ST6GALNAC3: variants seen among roughly 807,000 people sequenced by gnomAD.
ST6GALNAC3 encodes the protein alpha-N-acetylgalactosaminide alpha-2,6-sialyltransferase 3.
In ST6GALNAC3, 25 loss-of-function variants were observed where a neutral mutation model predicts 32.7. The ratio of observed to expected loss-of-function variants is 0.76; its 90% CI spans 0.56 to 1.07. ST6GALNAC3 has a LOEUF of 1.07. Among genes scored for constraint, ST6GALNAC3 ranks in the 50% least tolerant of loss-of-function variants. ST6GALNAC3 has a pLI of 0.00. For synonymous variants in ST6GALNAC3, 129 were observed against 133.1 expected, an observed-to-expected ratio of 0.97 and a Z score of 0.21; for missense variants, 355 against 382.4, an observed-to-expected ratio of 0.93 and a Z score of 0.60.
At chr1:76,587,634 C>A (rs1646982490) in intron 3 of ST6GALNAC3, among the ~76,000 whole-genome samples, 1 of 152,154 alleles carries the variant, frequency 6.6e-6, no homozygotes, top group Admixed American at 6.5e-5. Flanking sequence ...TCATCTGTAA[C>A]CTGATGTTGG....
chr1:76,491,974 C>T (rs1379484180), intron 3 of ST6GALNAC3, among the ~76,000 whole-genome samples: 1 of 152,164 alleles, frequency 6.6e-6, no homozygotes, highest in African/African-American at 2.4e-5. Context: ...GCTGAGTGTT[C>T]AGCCAAAATT....
In ST6GALNAC3 at chr1:76,550,379, G is replaced by A. The variant is rs139549787; in HGVS notation, c.624-77073G>A. Among the ~76,000 whole-genome samples the A allele has an allele frequency of 8.3e-3, 1,267 of 152,198 alleles. 35 individuals carry two copies. Among genetic ancestry groups the A allele is most frequent in the Admixed American group, 0.052 (788 of 15,284 alleles). On this transcript the variant is annotated intron_variant, in intron 3 of 4. Transcript: ENST00000328299. ...ATTTTATTTTATTTTTTGCTGCATA[G>A]GTAACTAGTCATCTCAGCAGCATTA...
intron 1 of ST6GALNAC3, among the ~76,000 whole-genome samples, chr1:76,293,014 C>A (rs1163728973): frequency 1.3e-5 from 2 of 152,128 alleles, no homozygotes; most frequent in East Asian, 3.9e-4. Flanking sequence ...AGATTAATCC[C>A]TAGTTCCCTA....
intron 3 of ST6GALNAC3, among the ~76,000 whole-genome samples, chr1:76,480,348 T>A (rs1442522386): frequency 6.6e-6 from 1 of 152,192 alleles, no homozygotes; most frequent in African/African-American, 2.4e-5. Flanking sequence ...CTATTTCCTA[T>A]AACTAGATCT....
chr1:76,142,762 G>A (rs1450311910), intron 1 of ST6GALNAC3: 1 of 430,696 alleles, frequency 2.3e-6, no homozygotes, highest in Admixed American at 2.7e-5. Context: ...GTGGTTATCT[G>A]GAGAATGCAA....
At chr1:76,397,553 T>TA (rs397955504) in intron 2 of ST6GALNAC3, among the ~76,000 whole-genome samples, 1 of 151,294 alleles carries the variant, frequency 6.6e-6, no homozygotes, top group African/African-American at 2.4e-5. Flanking sequence ...CATTTTTTTT[T>TA]AGCAGAGATG....
intron 3 of ST6GALNAC3, among the ~76,000 whole-genome samples, chr1:76,461,476 A>G (rs1265907063): frequency 6.6e-6 from 1 of 152,192 alleles, no homozygotes; most frequent in Non-Finnish European, 1.5e-5. Context: ...AAACTTCAGA[A>G]GAAGACACTC....
intron 2 of ST6GALNAC3, among the ~76,000 whole-genome samples, chr1:76,395,599 G>GCA (rs374335295): frequency 2.0e-5 from 3 of 150,356 alleles, no homozygotes; most frequent in South Asian, 4.2e-4. Flanking sequence ...AGACACACAC[G>GCA]CACACACACA....
chr1:76,364,667 A>C (rs1303478056), intron 2 of ST6GALNAC3, among the ~76,000 whole-genome samples: 1 of 152,142 alleles, frequency 6.6e-6, no homozygotes, highest in Non-Finnish European at 1.5e-5. Flanking sequence ...AAAAGCAGGC[A>C]AAAGACATGA....
chr1:76,267,857 G>A (rs1365247755), intron 1 of ST6GALNAC3, among the ~76,000 whole-genome samples: 2 of 152,206 alleles, frequency 1.3e-5, no homozygotes, highest in East Asian at 3.9e-4. Flanking sequence ...TGACTGCTTT[G>A]ATATGAGGAT....
At chr1:76,488,629 T>C (rs1331506389) in intron 3 of ST6GALNAC3, among the ~76,000 whole-genome samples, 1 of 152,150 alleles carries the variant, frequency 6.6e-6, no homozygotes, top group East Asian at 1.9e-4. Flanking sequence ...TTCAAGACAT[T>C]GTAAAATAAT....
chr1:76,111,807 G>A (rs1401244307), intron 1 of ST6GALNAC3, among the ~76,000 whole-genome samples: 1 of 151,426 alleles, frequency 6.6e-6, no homozygotes, highest in African/African-American at 2.4e-5. Flanking sequence ...TCTTAGTACA[G>A]AACAAAATGA....
chr1:76,404,814 G>A (rs1358743886), intron 2 of ST6GALNAC3, among the ~76,000 whole-genome samples: 1 of 152,022 alleles, frequency 6.6e-6, no homozygotes, highest in Non-Finnish European at 1.5e-5. Context: ...AGTATTTAAG[G>A]TGCCAGGAGT....
intron 1 of ST6GALNAC3, among the ~76,000 whole-genome samples, chr1:76,296,140 A>G (rs1463871011): frequency 5.3e-5 from 8 of 152,076 alleles, no homozygotes; most frequent in Admixed American, 5.2e-4. Flanking sequence ...AGAAAGGGAA[A>G]GTTTACTTGC....
Position 76,138,707 on chromosome 1 carries a change from A to G in ST6GALNAC3, c.18+63823A>G, listed in dbSNP as rs190077476. ...TTTTTGTATGTTTCTTCCAGCTTCT[A>G]TTTGTTCTTTAGAACTTCAGTAGAG... is the stretch of plus-strand genomic sequence containing the variant. On this transcript the variant is annotated intron_variant, in intron 1 of 4. Coordinates refer to ENST00000328299, the MANE Select transcript of ST6GALNAC3 (RefSeq NM_152996.4). Among the ~76,000 whole-genome samples the G allele has an allele frequency of 5.1e-3, 780 of 152,266 alleles. 1 individual carries two copies. The highest frequency in any genetic ancestry group is 7.0e-3 in the Admixed American group (107 of 15,298).
chr1:76,523,976 C>T (rs1404870806), intron 3 of ST6GALNAC3, among the ~76,000 whole-genome samples: 4 of 152,228 alleles, frequency 2.6e-5, no homozygotes, highest in African/African-American at 9.6e-5. Context: ...AGCTGAAGAT[C>T]ATTATTACAC....
intron 1 of ST6GALNAC3, among the ~76,000 whole-genome samples, chr1:76,261,381 A>G (rs1340848260): frequency 1.3e-5 from 2 of 152,112 alleles, no homozygotes; most frequent in Non-Finnish European, 2.9e-5. Flanking sequence ...GAAAGCTTCC[A>G]TTGTCTGGGT....
chr1:76,333,311 A>G (rs1647236525), intron 2 of ST6GALNAC3, among the ~76,000 whole-genome samples: 1 of 152,172 alleles, frequency 6.6e-6, no homozygotes, highest in South Asian at 2.1e-4. Flanking sequence ...TAAGCTCAGT[A>G]TAAGTAATAA....
chr1:76,497,162 A>G (rs1660901228), intron 3 of ST6GALNAC3, among the ~76,000 whole-genome samples: 3 of 152,120 alleles, frequency 2.0e-5, no homozygotes, highest in South Asian at 4.1e-4. Context: ...CAAGATTTGG[A>G]GTGGGAGGAA....
Sources: gnomAD v4.1 joint callset for allele counts (sites outside exome capture counted in the v4.1 genomes callset) on GRCh38, gnomAD v4.1.1 for gene constraint, MANE v1.5 for transcripts, NCBI Gene and HGNC (gene_info 2026-07-23, HGNC 2026-07-21) for gene names.